The following ZNF385D variants were observed in gnomAD, a reference collection of about 807,000 sequenced individuals.
ZNF385D encodes the protein zinc finger protein 659.
A neutral mutation model predicts 35.8 loss-of-function variants in ZNF385D; 15 were observed. That is an observed-to-expected ratio of 0.42 (90% CI 0.28 to 0.64). The LOEUF (loss-of-function observed/expected upper bound fraction) is 0.64, where lower values mean the gene tolerates loss of function less well. ZNF385D is among the 30% of genes least tolerant of loss of function. ZNF385D has a pLI of 0.23. For synonymous variants in ZNF385D, 212 were observed against 186.8 expected, an observed-to-expected ratio of 1.13 and a Z score of -1.10; for missense variants, 474 against 494.6, an observed-to-expected ratio of 0.96 and a Z score of 0.39.
chr3:21,651,634 G>T (rs2065917339), intron 2 of ZNF385D, among the ~76,000 whole-genome samples: 1 of 151,358 alleles, frequency 6.6e-6, no homozygotes, highest in Admixed American at 6.6e-5. Flanking sequence ...TAAATGTACA[G>T]ACAAGTCTGT....
chr3:21,813,774 G>A (rs559811561), intron 3 of ZNF385D, among the ~76,000 whole-genome samples: 2 of 152,150 alleles, frequency 1.3e-5, no homozygotes, highest in Admixed American at 1.3e-4. Flanking sequence ...TTGGAAAACA[G>A]TCTGCAGGAT....
At chr3:22,102,272 C>G (rs558044557) in intron 3 of ZNF385D, among the ~76,000 whole-genome samples, 35 of 152,110 alleles carry the variant, frequency 2.3e-4, no homozygotes, top group African/African-American at 7.9e-4. Context: ...GTATTTTACA[C>G]TCATGATTTC....
intron 3 of ZNF385D, among the ~76,000 whole-genome samples, chr3:21,904,331 T>TAAAGCTC (rs1699566336): frequency 6.9e-6 from 1 of 145,762 alleles, no homozygotes; most frequent in African/African-American, 2.5e-5. Flanking sequence ...AAAGAATTGG[T>TAAAGCTC]AAAGCTCAAG....
At chr3:22,111,170 T>G (rs1051107145) in intron 3 of ZNF385D, among the ~76,000 whole-genome samples, 13 of 117,736 alleles carry the variant, frequency 1.1e-4, no homozygotes, top group East Asian at 8.8e-4. Flanking sequence ...TTTTTTTTTT[T>G]TTTTTTGTTT....
chr3:21,486,554 T>C (rs965804918), intron 4 of ZNF385D, among the ~76,000 whole-genome samples: 1 of 152,196 alleles, frequency 6.6e-6, no homozygotes, highest in Non-Finnish European at 1.5e-5. Context: ...AATATTTCTT[T>C]GTGGTTTTGC....
intron 3 of ZNF385D, among the ~76,000 whole-genome samples, chr3:22,132,956 A>C (rs1703887443): frequency 6.6e-6 from 1 of 152,120 alleles, no homozygotes; most frequent in African/African-American, 2.4e-5. Flanking sequence ...AGACTGTGTA[A>C]ACACTATAAA....
chr3:22,115,447 A>G (rs909238970), intron 3 of ZNF385D, among the ~76,000 whole-genome samples: 1 of 152,090 alleles, frequency 6.6e-6, no homozygotes, highest in Non-Finnish European at 1.5e-5. Flanking sequence ...TTGAGCCCAA[A>G]TTATTTTATG....
At chr3:21,932,194 A>AAAAAAAAT (rs1701047571) in intron 3 of ZNF385D, among the ~76,000 whole-genome samples, 4 of 140,808 alleles carry the variant, frequency 2.8e-5, no homozygotes, top group African/African-American at 7.8e-5. Flanking sequence ...AAAAAAAAAA[A>AAAAAAAAT]GTGTGACTTG....
intron 2 of ZNF385D, among the ~76,000 whole-genome samples, chr3:21,663,137 A>G (rs1273871250): frequency 3.3e-5 from 5 of 152,112 alleles, no homozygotes; most frequent in African/African-American, 1.2e-4. Flanking sequence ...AAACCCACAA[A>G]TCTCTGAATG....
At chr3:21,815,988 C>A (rs1034238064) in intron 3 of ZNF385D, among the ~76,000 whole-genome samples, 3 of 152,158 alleles carry the variant, frequency 2.0e-5, no homozygotes, top group Non-Finnish European at 4.4e-5. Flanking sequence ...CTGCCATGAT[C>A]AAGTGGGCTT....
chr3:22,094,225 C>G (rs1701479992), intron 3 of ZNF385D, among the ~76,000 whole-genome samples: 1 of 134,566 alleles, frequency 7.4e-6, no homozygotes, highest in Non-Finnish European at 1.6e-5. Context: ...TGTCAAGTAG[C>G]ATTTTTTTTT....
In ZNF385D at chr3:21,982,522, T is replaced by G. The variant is rs112260089; in HGVS notation, c.325+186295A>C. On this transcript the variant is annotated intron_variant, in intron 3 of 5. Coordinates refer to the ZNF385D transcript ENST00000494108. ...GTTTTCTAGATATATAATCATGTTG[T>G]CTGCAAACAGAAATAGTTTGACTTC... Among the ~76,000 whole-genome samples, 24 of 152,308 alleles carry G rather than the reference T, an allele frequency of 1.6e-4. 1 individual carries two copies. Among genetic ancestry groups the G allele is most frequent in the African/African-American group, 4.8e-4 (20 of 41,578 alleles).
intron 3 of ZNF385D, among the ~76,000 whole-genome samples, chr3:21,954,803 T>C (rs1702214157): frequency 6.6e-6 from 1 of 152,074 alleles, no homozygotes; most frequent in Non-Finnish European, 1.5e-5. Flanking sequence ...TCACTTCCCT[T>C]TCCTCACTGA....
chr3:22,219,760 A>C (rs1441756175), intron 2 of ZNF385D, among the ~76,000 whole-genome samples: 1 of 152,182 alleles, frequency 6.6e-6, no homozygotes, highest in Non-Finnish European at 1.5e-5. Flanking sequence ...AAATGGAATG[A>C]ATAAAGATTT....
intron 3 of ZNF385D, among the ~76,000 whole-genome samples, chr3:21,799,396 G>A (rs1037539172): frequency 8.5e-5 from 13 of 152,090 alleles, no homozygotes; most frequent in South Asian, 4.1e-4. Context: ...ATGTGTAAGC[G>A]TTCCAGTTTC....
Position 22,004,642 on chromosome 3 carries a change from T to G in ZNF385D, c.325+164175A>C, listed in dbSNP as rs1696083615. On this transcript the variant is annotated intron_variant, in intron 3 of 5. Transcript: ENST00000494108. The stretch of plus-strand genomic sequence containing the variant: ...TGTAAAGATAAAAATGTTACATACC[T>G]CCCTCACAAGGAATTTCCTTGTGGA... 2.0e-5 allele frequency among the ~76,000 whole-genome samples: 3 copies of G among 152,088 alleles called. No individual in the cohort carries two copies. The South Asian group carries it at 6.2e-4, about 32-fold the overall frequency.
At chr3:22,214,668 C>A (rs2125268099) in intron 2 of ZNF385D, among the ~76,000 whole-genome samples, 1 of 152,104 alleles carries the variant, frequency 6.6e-6, no homozygotes, top group South Asian at 2.1e-4. Context: ...AAGCCCCAGT[C>A]TCCCATAGCG....
intron 3 of ZNF385D, among the ~76,000 whole-genome samples, chr3:22,014,113 T>C (rs767788594): frequency 1.3e-5 from 2 of 152,092 alleles, no homozygotes; most frequent in Non-Finnish European, 2.9e-5. Context: ...AGTTTCAAGA[T>C]GCTATCATAT....
intron 2 of ZNF385D, among the ~76,000 whole-genome samples, chr3:21,649,683 A>G (rs115565886): frequency 0.017 from 2,610 of 152,248 alleles, 82 homozygotes; most frequent in African/African-American, 0.06. Flanking sequence ...AAAACCGGAT[A>G]TAATTATTTT....
Sources: gnomAD v4.1 joint callset for allele counts (sites outside exome capture counted in the v4.1 genomes callset) on GRCh38, gnomAD v4.1.1 for gene constraint, MANE v1.5 for transcripts, NCBI Gene and HGNC (gene_info 2026-07-23, HGNC 2026-07-21) for gene names.